RXFP1: variants seen among roughly 807,000 people sequenced by gnomAD.
The protein encoded by RXFP1 is relaxin receptor 1.
A neutral mutation model predicts 89.8 loss-of-function variants in RXFP1; 73 were observed. The ratio of observed to expected loss-of-function variants is 0.81; its 90% CI spans 0.67 to 0.99. RXFP1 has a LOEUF of 0.99. Ranked by LOEUF, RXFP1 falls within the 50% of genes least tolerant of loss-of-function variation. The probability of loss-of-function intolerance (pLI) is 0.00; values close to 1 mark genes in which losing one functional copy is unlikely to be tolerated. For missense variants in RXFP1, 793 were observed against 895.5 expected (o/e 0.89, Z 1.46); for synonymous variants, 277 against 305.5 (o/e 0.91, Z 0.97).
At chr4:158,555,266 C>A (rs530957338) in intron 1 of RXFP1, among the ~76,000 whole-genome samples, 1 of 152,258 alleles carries the variant, frequency 6.6e-6, no homozygotes, top group South Asian at 2.1e-4. Flanking sequence ...TCCAATAAGT[C>A]ACTAAGAACT....
chr4:158,652,008 GA>G lies in RXFP1; in HGVS notation c.2230del (p.Met744CysfsTer3), dbSNP rs1561217617. On this transcript the variant is annotated frameshift_variant, in exon 18 of 18. Transcript: ENST00000307765. LOFTEE classifies it high-confidence loss of function. ...MKPDLFTYPC[E>X]MSLISQSTRL... ...GCCGGACCTTTTCACATACCCCTGT[GA>G]AATGTCACTGATTTCTCAATCAACG... is the stretch of plus-strand genomic sequence containing the variant. The G allele has an allele frequency of 1.2e-6, 2 of 1,613,678 alleles. No homozygotes were observed. The highest frequency in any genetic ancestry group is 3.3e-5 in the Admixed American group (2 of 59,962).
intron 3 of RXFP1, among the ~76,000 whole-genome samples, chr4:158,596,094 C>A (rs1289512631): frequency 6.6e-6 from 1 of 151,152 alleles, no homozygotes; most frequent in African/African-American, 2.4e-5. Context: ...GGCAACAGAA[C>A]AAAACCCTCT....
At chr4:158,594,306 C>A (rs1760099273) in intron 3 of RXFP1, among the ~76,000 whole-genome samples, 1 of 152,160 alleles carries the variant, frequency 6.6e-6, no homozygotes, top group Non-Finnish European at 1.5e-5. Flanking sequence ...AAGAAGACTG[C>A]AGTGATAACG....
chr4:158,612,712 G>T (rs907606250), intron 8 of RXFP1, among the ~76,000 whole-genome samples: 1 of 151,752 alleles, frequency 6.6e-6, no homozygotes, highest in African/African-American at 2.4e-5. Context: ...CTGGGTTCAA[G>T]CCATTCTCCT....
At chr4:158,577,567 A>G (rs1260319895) in intron 2 of RXFP1, among the ~76,000 whole-genome samples, 1 of 152,196 alleles carries the variant, frequency 6.6e-6, no homozygotes, top group Non-Finnish European at 1.5e-5. Flanking sequence ...TCTTTTAATG[A>G]AAGAGTTTTT....
chr4:158,553,148 C>T (rs1252434808), intron 1 of RXFP1, among the ~76,000 whole-genome samples: 2 of 152,138 alleles, frequency 1.3e-5, no homozygotes, highest in Non-Finnish European at 2.9e-5. Flanking sequence ...CTGATCATGC[C>T]ACTGCACTCC....
rs777620690 is a variant in RXFP1 at position 158,628,650 on chromosome 4, A to G, written c.840A>G (p.Lys280=). ...CSNLTVLVMR[K]NKINHLNENT... is the part of the protein sequence containing the mutation. ...TTTTTACTTTCAGAGTGATGAGGAA[A>G]AACAAAATTAATCACTTAAATGAAA... Residue 280 remains lysine (K), a synonymous_variant, in exon 11 of 18, where the codon AAA becomes AAG. Transcript: ENST00000307765. 6.4e-7 allele frequency: 1 copy of G among 1,557,658 alleles called. No individual in the cohort carries two copies.
chr4:158,535,324 A>G (rs1745041818), intron 1 of RXFP1, among the ~76,000 whole-genome samples: 1 of 152,236 alleles, frequency 6.6e-6, no homozygotes, highest in South Asian at 2.1e-4. Flanking sequence ...TTAGGATGGT[A>G]ATATATTAGT....
At chr4:158,619,724 A>G (rs1330154635) in intron 9 of RXFP1, among the ~76,000 whole-genome samples, 1 of 150,516 alleles carries the variant, frequency 6.6e-6, no homozygotes, top group African/African-American at 2.4e-5. Flanking sequence ...AGCCTTTGGG[A>G]GTGGGACAGA....
chr4:158,635,875 G>A (rs2150220866), intron 12 of RXFP1, among the ~76,000 whole-genome samples: 1 of 151,502 alleles, frequency 6.6e-6, no homozygotes, highest in East Asian at 1.9e-4. Flanking sequence ...TTTTTGTAGA[G>A]ATGGGGGCCT....
intron 1 of RXFP1, among the ~76,000 whole-genome samples, chr4:158,552,900 G>T (rs1315762432): frequency 6.6e-6 from 1 of 152,182 alleles, no homozygotes; most frequent in Non-Finnish European, 1.5e-5. Flanking sequence ...AATTATATCA[G>T]ATGGCTAGGT....
intron 14 of RXFP1, among the ~76,000 whole-genome samples, chr4:158,642,936 C>G (rs1390741040): frequency 6.6e-6 from 1 of 152,156 alleles, no homozygotes; most frequent in Admixed American, 6.5e-5. Context: ...GGTTTTAATA[C>G]AGTAGCTTGA....
At position 158,641,143 on chromosome 4, in the gene RXFP1, T is replaced by C. The variant is rs141806748; in HGVS notation, c.1115+1812T>C. The stretch of plus-strand genomic sequence containing the variant: ...CATAGTTCCTCAGAAAGATGGCTTA[T>C]AAAAGATTCCTTTCTTGTATGCAAC... On this transcript the variant is annotated intron_variant, in intron 14 of 17. Coordinates refer to ENST00000307765, the MANE Select transcript of RXFP1 (RefSeq NM_021634.4). Among the ~76,000 whole-genome samples the C allele has an allele frequency of 2.4e-4, 36 of 152,344 alleles. No homozygotes were observed. The East Asian group carries it at 6.9e-3, about 29-fold the overall frequency.
rs370037306 is a variant in RXFP1, at chr4:158,604,440, T to G, written c.393-628T>G. Among the ~76,000 whole-genome samples, 502 of 152,310 alleles carry G rather than the reference T, an allele frequency of 3.3e-3. 3 individuals carry two copies. The highest frequency in any genetic ancestry group is 0.012 in the African/African-American group (482 of 41,566). On this transcript the variant is annotated intron_variant, in intron 4 of 17. Coordinates refer to ENST00000307765, the MANE Select transcript of RXFP1 (RefSeq NM_021634.4). ...TTTTGCTTTTACTACATTACATTGC[T>G]GTTCTAAAACAAAAAATTAAGGACT...
At position 158,540,563 on chromosome 4, in the gene RXFP1, A is replaced by C. The variant is rs1377297468; in HGVS notation, c.49+18538A>C. 4.7e-5 allele frequency among the ~76,000 whole-genome samples: 7 copies of C among 150,414 alleles called. No homozygotes were observed. The East Asian group carries it at 1.4e-3, about 29-fold the overall frequency. On this transcript the variant is annotated intron_variant, in intron 1 of 17. Coordinates refer to ENST00000307765, the MANE Select transcript of RXFP1 (RefSeq NM_021634.4). ...TCTTTATGACCTGTATCTTGTACCAACCTCCTATCTCATCCTGTGACTAAG... is the reference window on the plus strand; with the variant it reads ...TCTTTATGACCTGTATCTTGTACCACCCTCCTATCTCATCCTGTGACTAAG...
intron 15 of RXFP1, 91 bp downstream of exon 15, chr4:158,645,229 T>C (rs2150256516): frequency 2.1e-6 from 2 of 952,814 alleles, no homozygotes; most frequent in African/African-American, 1.7e-5. Flanking sequence ...GGTAGAATTA[T>C]GGAATTTTAC....
intron 1 of RXFP1, among the ~76,000 whole-genome samples, chr4:158,568,522 A>C (rs1400972338): frequency 3.3e-5 from 5 of 152,212 alleles, no homozygotes; most frequent in African/African-American, 7.2e-5. Context: ...ATTAATAAAG[A>C]TATAAAAAGT....
chr4:158,598,714 G>A (rs1761103471), intron 3 of RXFP1, among the ~76,000 whole-genome samples: 1 of 151,664 alleles, frequency 6.6e-6, no homozygotes, highest in South Asian at 2.1e-4. Flanking sequence ...AGTGAAAATA[G>A]AATCCTATGC....
intron 1 of RXFP1, among the ~76,000 whole-genome samples, chr4:158,526,248 GT>G (rs997309102): frequency 2.0e-5 from 3 of 152,198 alleles, no homozygotes; most frequent in African/African-American, 7.2e-5. Flanking sequence ...AAGCACTTTT[GT>G]TTGCAGCACA....
Sources: gnomAD v4.1 joint callset for allele counts (sites outside exome capture counted in the v4.1 genomes callset) on GRCh38, gnomAD v4.1.1 for gene constraint, MANE v1.5 for transcripts, NCBI Gene and HGNC (gene_info 2026-07-23, HGNC 2026-07-21) for gene names.